NLRC3: variants seen among roughly 807,000 people sequenced by gnomAD.
NLRC3 encodes the protein NLR family CARD domain containing 3.
Under a neutral mutation model 91.6 loss-of-function variants are expected in NLRC3, and 87 were observed. The observed-to-expected ratio is 0.95, with a 90% confidence interval of 0.80 to 1.14. NLRC3 has a LOEUF of 1.14. Among genes scored for constraint, NLRC3 ranks in the 50% most tolerant of loss-of-function variants. NLRC3 has a pLI of 0.00. For missense variants in NLRC3, 1,577 were observed against 1,418.6 expected (o/e 1.11, Z -1.79); for synonymous variants, 694 against 625.3 (o/e 1.11, Z -1.64).
intron 15 of NLRC3, chr16:3,545,042 C>A (rs1016989569): frequency 6.6e-6 from 1 of 152,358 alleles, no homozygotes; most frequent in African/African-American, 2.4e-5. Flanking sequence ...TTTTCCCCTT[C>A]TAAGTTGGAG....
intron 8 of NLRC3, among the ~76,000 whole-genome samples, chr16:3,554,895 T>G (rs1470742429): frequency 1.3e-5 from 2 of 152,104 alleles, no homozygotes; most frequent in African/African-American, 2.4e-5. Context: ...GATCAACATA[T>G]CATGGTCTGT....
chr16:3,565,994 C>G (rs1025530584), intron 2 of NLRC3, among the ~76,000 whole-genome samples: 14 of 151,030 alleles, frequency 9.3e-5, no homozygotes, highest in Non-Finnish European at 2.1e-4. Context: ...GAGCCATGAT[C>G]ACACCACGGC....
chr16:3,549,181 G>A lies in NLRC3; in HGVS notation c.2564C>T (p.Ala855Val). 1 of 1,589,126 alleles carries A rather than the reference G, an allele frequency of 6.3e-7. No individual in the cohort carries two copies. Among genetic ancestry groups the A allele is most frequent in the Non-Finnish European group, 8.6e-7 (1 of 1,167,590 alleles). Residue 855 changes from alanine to valine, a missense_variant, in exon 13 of 20, where the codon GCT becomes GTT. Physicochemically the swap from Ala to Val is moderately conservative, Grantham distance 64. Transcript: ENST00000359128. ...GGTGCTGTTGGCGCAGAGGGCATGA[G>A]CGATGGCCTGGGCTCCCTCGGGACT... ...SISPEGAQAIAHALCANSTLK... is the reference protein window; with the variant it reads ...SISPEGAQAIVHALCANSTLK...
At chr16:3,566,826 G>A (rs773417269) in intron 2 of NLRC3, among the ~76,000 whole-genome samples, 1 of 152,228 alleles carries the variant, frequency 6.6e-6, no homozygotes, top group African/African-American at 2.4e-5. Context: ...GGAAGGTAGA[G>A]GCTGCAATGA....
Position 3,544,159 on chromosome 16 carries a change from G to C in NLRC3, c.2855+87C>G, listed in dbSNP as rs528332255. 6 of 791,170 alleles carry C rather than the reference G, an allele frequency of 7.6e-6. No individual in the cohort carries two copies. In the Admixed American group the frequency reaches 9.7e-5, roughly 13 times the overall value. The allele number at this position is 791,170 out of a possible 1,614,324, so 49.0% of individuals were successfully genotyped here. On this transcript the variant is annotated intron_variant, in intron 16 of 19. Transcript: ENST00000359128. ...GGTGGCAGAGCAAGACTCTTGTCTC[G>C]AGGAAAAAAAAAAAAAAAAAGACCT... is the stretch of plus-strand genomic sequence containing the variant.
At chr16:3,544,407 G>T in intron 15 of NLRC3, 78 bp from the exon 16 acceptor site, 2 of 1,013,384 alleles carry the variant, frequency 2.0e-6, no homozygotes, top group Non-Finnish European at 3.1e-6. Flanking sequence ...ACTTGGACCT[G>T]CCAGGTTTAA....
intron 12 of NLRC3, 40 bp downstream of exon 12, chr16:3,549,657 C>A: frequency 6.8e-7 from 1 of 1,460,282 alleles, no homozygotes; most frequent in South Asian, 1.2e-5. Context: ...GGTGCCTCGT[C>A]AAAGAAACGC....
chr16:3,575,473 G>A (rs2040252712), intron 1 of NLRC3, among the ~76,000 whole-genome samples: 1 of 152,220 alleles, frequency 6.6e-6, no homozygotes, highest in African/African-American at 2.4e-5. Flanking sequence ...GGGATCTGAA[G>A]GCCAGAGGTC....
intron 9 of NLRC3, among the ~76,000 whole-genome samples, chr16:3,552,686 G>C (rs904718398): frequency 6.6e-6 from 1 of 152,080 alleles, no homozygotes; most frequent in African/African-American, 2.4e-5. Flanking sequence ...TCATGCCTGT[G>C]ATCCCAGCAC....
intron 1 of NLRC3, among the ~76,000 whole-genome samples, chr16:3,576,211 A>G (rs1195692608): frequency 6.6e-6 from 1 of 152,166 alleles, no homozygotes; most frequent in East Asian, 1.9e-4. Context: ...GAGCCTGGCC[A>G]TAGGGGAAGA....
intron 19 of NLRC3, 94 bp from the exon 20 acceptor site, chr16:3,542,009 C>T: frequency 1.2e-6 from 1 of 843,420 alleles, no homozygotes; most frequent in Non-Finnish European, 2.0e-6. Context: ...CCATGCAAAG[C>T]CTTTGTGCTT....
Position 3,563,518 on chromosome 16 carries a change from C to T in NLRC3, c.1419G>A (p.Arg473=), listed in dbSNP as rs1596478695. 1 of 1,604,766 alleles carries T rather than the reference C, an allele frequency of 6.2e-7. No individual in the cohort carries two copies. Among genetic ancestry groups the T allele is most frequent in the Non-Finnish European group, 8.5e-7 (1 of 1,176,084 alleles). ...AAAYYYGASR[R]AIFDLFTESG... ...TCTCAGTGAAGAGGTCGAAGATGGC[C>T]CTCCTGGATGCGCCATAGTAATACG... The change falls in exon 5 of 20, where the codon AGG becomes AGA. Residue 473 remains arginine, a synonymous_variant. Transcript: ENST00000359128.
chr16:3,546,304 C>G (rs891856527), intron 15 of NLRC3, among the ~76,000 whole-genome samples: 3 of 151,752 alleles, frequency 2.0e-5, no homozygotes, highest in Non-Finnish European at 4.4e-5. Flanking sequence ...ACCTGTAATC[C>G]CAGCACTTTG....
chr16:3,554,959 G>A (rs1355771854), intron 8 of NLRC3, among the ~76,000 whole-genome samples: 2 of 152,200 alleles, frequency 1.3e-5, no homozygotes, highest in Non-Finnish European at 1.5e-5. Context: ...GCTGGGTACA[G>A]TGGCTCACAC....
chr16:3,566,607 C>A (rs1282911890), intron 2 of NLRC3, among the ~76,000 whole-genome samples: 2 of 152,182 alleles, frequency 1.3e-5, no homozygotes, highest in Non-Finnish European at 2.9e-5. Flanking sequence ...TGCCTGTAAT[C>A]CCAGCTACTC....
chr16:3,552,881 A>C (rs1465908098), intron 9 of NLRC3, among the ~76,000 whole-genome samples: 2 of 152,222 alleles, frequency 1.3e-5, no homozygotes, highest in African/African-American at 4.8e-5. Flanking sequence ...CGGAGGTTGC[A>C]GTGAGCCGAG....
chr16:3,544,969 C>G (rs1169441266), intron 15 of NLRC3: 1 of 152,534 alleles, frequency 6.6e-6, no homozygotes, highest in Non-Finnish European at 1.5e-5. Context: ...GCTGGCATTA[C>G]AGGCAGGAGC....
chr16:3,564,660 C>G lies in NLRC3; in HGVS notation c.277G>C (p.Val93Leu), dbSNP rs751476980. The stretch of plus-strand genomic sequence containing the variant: ...AGCTGCAGGTCCGTCAGGCCCTCCA[C>G]CAGCAGGAGGGAGGCCAGCCTGTGC... ...PWHRLASLLL[V>L]EGLTDLQLRE... Residue 93 changes from valine (V) to leucine (L), a missense_variant, in exon 5 of 20, where the codon GTG becomes CTG. Transcript: ENST00000359128. The surrounding 1 kb of genome is among the most constrained non-coding windows in gnomAD (Gnocchi z 5.9). 2.5e-6 allele frequency: 4 copies of G among 1,605,492 alleles called. No homozygotes were observed. The highest frequency in any genetic ancestry group is 3.4e-6 in the Non-Finnish European group (4 of 1,179,514).
chr16:3,553,680 G>A (rs1425386836), intron 9 of NLRC3, among the ~76,000 whole-genome samples: 1 of 149,792 alleles, frequency 6.7e-6, no homozygotes, highest in Non-Finnish European at 1.5e-5. Flanking sequence ...ACATCTGTGG[G>A]TTGGTAGAAG....
Sources: gnomAD v4.1 joint callset for allele counts (sites outside exome capture counted in the v4.1 genomes callset) on GRCh38, gnomAD v4.1.1 for gene constraint, Gnocchi (gnomAD v3.1) non-coding constraint, MANE v1.5 for transcripts, NCBI Gene and HGNC (gene_info 2026-07-23, HGNC 2026-07-21) for gene names.